The following TARS3 variants were observed in gnomAD, a reference collection of about 807,000 sequenced individuals.
TARS3 encodes the protein threonine--tRNA ligase 2, cytoplasmic.
In TARS3, 94 loss-of-function variants were observed where a neutral mutation model predicts 103.5. The ratio of observed to expected loss-of-function variants is 0.91; its 90% CI spans 0.77 to 1.08. The LOEUF (loss-of-function observed/expected upper bound fraction) is 1.08, where lower values mean the gene tolerates loss of function less well. TARS3 is among the 50% of genes least tolerant of loss of function. TARS3 has a pLI of 0.00. For missense variants in TARS3, 952 were observed against 995.2 expected, an observed-to-expected ratio of 0.96 and a Z score of 0.58; for synonymous variants, 416 against 355.4, an observed-to-expected ratio of 1.17 and a Z score of -1.92.
At chr15:101,690,706 T>C (rs1028542476) in intron 10 of TARS3, among the ~76,000 whole-genome samples, 1 of 152,216 alleles carries the variant, frequency 6.6e-6, no homozygotes, top group Non-Finnish European at 1.5e-5. Flanking sequence ...CCTTCTACTA[T>C]TGAGAAACAT....
chr15:101,687,306 A>T (rs1416216271), intron 10 of TARS3, among the ~76,000 whole-genome samples: 1 of 152,038 alleles, frequency 6.6e-6, no homozygotes, highest in African/African-American at 2.4e-5. Context: ...AGGAGGCTGA[A>T]GCAGGAGAAT....
intron 2 of TARS3, among the ~76,000 whole-genome samples, chr15:101,722,217 CTTT>C (rs55694230): frequency 2.2e-5 from 3 of 138,712 alleles, no homozygotes; most frequent in Non-Finnish European, 3.1e-5. Flanking sequence ...TGGCATCTCC[CTTT>C]TTTTTTTTTT....
chr15:101,698,406 A>AT (rs1405309727), intron 10 of TARS3, among the ~76,000 whole-genome samples: 1 of 152,146 alleles, frequency 6.6e-6, no homozygotes, highest in Non-Finnish European at 1.5e-5. Context: ...CCTAAGGCAC[A>AT]TATGGGCCAT....
At chr15:101,678,211 C>A (rs1331963723) in intron 12 of TARS3, among the ~76,000 whole-genome samples, 1 of 151,984 alleles carries the variant, frequency 6.6e-6, no homozygotes, top group South Asian at 2.1e-4. Flanking sequence ...AACTCCTGAC[C>A]TCATGATCTG....
At chr15:101,701,051 T>G in intron 10 of TARS3, 35 bp downstream of exon 10, 1 of 1,333,706 alleles carries the variant, frequency 7.5e-7, no homozygotes, top group Non-Finnish European at 1.0e-6. Flanking sequence ...TAAACTGGAA[T>G]TGAATAAGAA....
Position 101,657,861 on chromosome 15 carries a change from A to G in TARS3, c.2073-4T>C. 1.3e-6 allele frequency: 2 copies of G among 1,558,826 alleles called. No individual in the cohort carries two copies. Among genetic ancestry groups the G allele is most frequent in the Non-Finnish European group, 1.8e-6 (2 of 1,142,626 alleles). ...ACGAGGAGATAGCCAGAAAGGCCTG[A>G]AAAATATATATAAAATATGTATTTT... On this transcript the variant is annotated splice_polypyrimidine_tract_variant and splice_region_variant and intron_variant, in intron 16 of 18. Transcript: ENST00000335968.
In TARS3 at chr15:101,711,995, A is replaced by G. The variant is rs1899893829; in HGVS notation, c.697T>C (p.Trp233Arg). Residue 233 changes from tryptophan (W) to arginine (R), a missense_variant, in exon 5 of 19, where the codon TGG becomes CGG. Trp to Arg is a moderately radical substitution (Grantham distance 101, BLOSUM62 -3). Coordinates refer to ENST00000335968, the MANE Select transcript of TARS3 (RefSeq NM_152334.3). ...FDNEEAQAVY[W>R]HSSAHILGEA... The stretch of plus-strand genomic sequence containing the variant: ...CCAAGAATGTGAGCACTGGAGTGCC[A>G]GTACACCTGCATGGCATGGACAAAG... 4.3e-6 allele frequency: 7 copies of G among 1,612,900 alleles called. No homozygotes were observed. The East Asian group carries it at 1.6e-4, about 36-fold the overall frequency.
In TARS3 at chr15:101,724,355, C is replaced by T; in HGVS notation, c.33G>A (p.Val11=). Residue 11 remains valine (V), a synonymous_variant, in exon 1 of 19, where the codon GTG becomes GTA. Coordinates refer to ENST00000335968, the MANE Select transcript of TARS3 (RefSeq NM_152334.3). The stretch of plus-strand genomic sequence containing the variant: ...CCTCCTGCCGCTCCAGGCGCGACGC[C>T]ACGGCCTCCGCCGCCAGGGCCTCGG... MAAEALAAEA[V]ASRLERQEED... The T allele has an allele frequency of 6.5e-7, 1 of 1,544,956 alleles. No homozygotes were observed. Among genetic ancestry groups the T allele is most frequent in the African/African-American group, 1.4e-5 (1 of 70,378 alleles).
intron 9 of TARS3, among the ~76,000 whole-genome samples, 178 bp from the exon 10 acceptor site, chr15:101,701,362 C>T (rs940893128): frequency 6.6e-6 from 1 of 152,204 alleles, no homozygotes; most frequent in African/African-American, 2.4e-5. Flanking sequence ...CATATTTATG[C>T]CTAATTAGCT....
chr15:101,678,083 C>T (rs1208312453), intron 12 of TARS3, among the ~76,000 whole-genome samples: 7 of 150,838 alleles, frequency 4.6e-5, no homozygotes, highest in South Asian at 2.1e-4. Flanking sequence ...CAAGTTCAAG[C>T]GATTCTCTTG....
chr15:101,670,813 G>A (rs943622138), intron 15 of TARS3, among the ~76,000 whole-genome samples: 53 of 152,216 alleles, frequency 3.5e-4, no homozygotes, highest in African/African-American at 1.1e-3. Flanking sequence ...TGACAGAAAG[G>A]AACAAACTAT....
chr15:101,676,256 G>C (rs559779060), intron 12 of TARS3, among the ~76,000 whole-genome samples: 5 of 152,302 alleles, frequency 3.3e-5, no homozygotes, highest in African/African-American at 1.2e-4. Flanking sequence ...CAACGGGGAG[G>C]CAATGAAGGG....
At chr15:101,697,044 A>ACATTT (rs1421464948) in intron 10 of TARS3, among the ~76,000 whole-genome samples, 1 of 152,282 alleles carries the variant, frequency 6.6e-6, no homozygotes, top group East Asian at 1.9e-4. Flanking sequence ...CCCCTTTGTG[A>ACATTT]ATATTCATAG....
chr15:101,722,705 G>C (rs2141463440), intron 2 of TARS3, among the ~76,000 whole-genome samples: 1 of 143,640 alleles, frequency 7.0e-6, no homozygotes, highest in East Asian at 2.1e-4. Flanking sequence ...TGTAGTCCCA[G>C]CTACTCAGGA....
At chr15:101,684,744 C>T (rs1490081412) in intron 11 of TARS3, among the ~76,000 whole-genome samples, 1 of 152,182 alleles carries the variant, frequency 6.6e-6, no homozygotes, top group African/African-American at 2.4e-5. Context: ...GCACAAAAAG[C>T]ACTCAACTAT....
intron 3 of TARS3, among the ~76,000 whole-genome samples, chr15:101,717,264 C>A (rs567246060): frequency 6.6e-6 from 1 of 152,186 alleles, no homozygotes; most frequent in Admixed American, 6.5e-5. Context: ...AAATACTGGA[C>A]AATTTACTCA....
At chr15:101,696,640 C>A (rs564091027) in intron 10 of TARS3, among the ~76,000 whole-genome samples, 4 of 152,342 alleles carry the variant, frequency 2.6e-5, no homozygotes, top group Non-Finnish European at 5.9e-5. Flanking sequence ...AGCTCCCCAA[C>A]TGACTGAACA....
chr15:101,689,448 T>C (rs1274318665), intron 10 of TARS3, among the ~76,000 whole-genome samples: 1 of 152,094 alleles, frequency 6.6e-6, no homozygotes, highest in African/African-American at 2.4e-5. Context: ...AGGGTCTTTA[T>C]AGAGGTAATC....
chr15:101,665,876 AAAGT>A (rs1164984437), intron 15 of TARS3, among the ~76,000 whole-genome samples: 3 of 152,230 alleles, frequency 2.0e-5, no homozygotes, highest in African/African-American at 7.2e-5. Context: ...ATACAAAGTA[AAAGT>A]AAGAAAGCTA....
Sources: gnomAD v4.1 joint callset for allele counts (sites outside exome capture counted in the v4.1 genomes callset) on GRCh38, gnomAD v4.1.1 for gene constraint, MANE v1.5 for transcripts, NCBI Gene and HGNC (gene_info 2026-07-23, HGNC 2026-07-21) for gene names.